METTL15: variants seen among roughly 807,000 people sequenced by gnomAD.
METTL15 encodes the protein methyltransferase 15, mitochondrial 12S rRNA N4-cytidine.
Under a neutral mutation model 38.3 loss-of-function variants are expected in METTL15, and 34 were observed. The observed-to-expected ratio is 0.89, with a 90% CI of 0.68 to 1.18. The LOEUF (loss-of-function observed/expected upper bound fraction) is 1.18, where lower values mean the gene tolerates loss of function less well. Ranked by LOEUF, METTL15 falls within the 50% of genes most tolerant of loss-of-function variation. The probability of loss-of-function intolerance (pLI) is 0.00; values close to 1 mark genes in which losing one functional copy is unlikely to be tolerated. For missense variants in METTL15, 438 were observed against 498.4 expected, an observed-to-expected ratio of 0.88 and a Z score of 1.15; for synonymous variants, 162 against 170.9, an observed-to-expected ratio of 0.95 and a Z score of 0.41.
At chr11:28,504,917 T>G (rs1851615278) in intron 6 of METTL15, among the ~76,000 whole-genome samples, 1 of 152,198 alleles carries the variant, frequency 6.6e-6, no homozygotes, top group South Asian at 2.1e-4. Flanking sequence ...GAGCCTTGCT[T>G]AGGAGGCAGT....
chr11:28,293,582 A>G (rs986513932), intron 5 of METTL15, among the ~76,000 whole-genome samples: 1 of 152,056 alleles, frequency 6.6e-6, no homozygotes. Flanking sequence ...GTTTTTTCCA[A>G]TTCTGTGAAG....
chr11:28,161,345 C>G (rs1850457999), intron 3 of METTL15, among the ~76,000 whole-genome samples: 1 of 151,868 alleles, frequency 6.6e-6, no homozygotes, highest in Non-Finnish European at 1.5e-5. Context: ...GGCTCCAACT[C>G]CTGGCCTCAA....
At chr11:28,381,727 CTT>C (rs1215371430) in intron 5 of METTL15, among the ~76,000 whole-genome samples, 2 of 152,034 alleles carry the variant, frequency 1.3e-5, no homozygotes, top group Non-Finnish European at 2.9e-5. Flanking sequence ...GTTTTAATCT[CTT>C]TGTTAAAATT....
intron 6 of METTL15, among the ~76,000 whole-genome samples, chr11:28,447,139 T>C (rs1851081954): frequency 6.6e-6 from 1 of 152,190 alleles, no homozygotes; most frequent in South Asian, 2.1e-4. Flanking sequence ...ATGTGTGTAT[T>C]ACTATATAGT....
intron 5 of METTL15, among the ~76,000 whole-genome samples, chr11:28,378,388 G>A (rs538815547): frequency 2.2e-4 from 33 of 152,358 alleles, no homozygotes; most frequent in African/African-American, 7.2e-4. Flanking sequence ...TCGGAAAAGC[G>A]CAGTATTCGG....
At chr11:28,457,017 G>GA (rs1359101112) in intron 6 of METTL15, among the ~76,000 whole-genome samples, 1 of 152,162 alleles carries the variant, frequency 6.6e-6, no homozygotes, top group Non-Finnish European at 1.5e-5. Flanking sequence ...TGAGCATAAT[G>GA]AAATGATGGT....
intron 3 of METTL15, among the ~76,000 whole-genome samples, chr11:28,151,021 A>G (rs898628624): frequency 1.1e-4 from 16 of 151,364 alleles, no homozygotes; most frequent in Admixed American, 5.3e-4. Context: ...AAAAAAAAAA[A>G]AAAAGAAAAG....
At chr11:28,122,175 C>T in intron 3 of METTL15, 2 of 1,238,468 alleles carry the variant, frequency 1.6e-6, no homozygotes, top group Non-Finnish European at 2.1e-6. Context: ...AATATGAATC[C>T]TACAGGTAAA....
At chr11:28,130,502 A>G (rs1852717574) in intron 3 of METTL15, among the ~76,000 whole-genome samples, 2 of 152,250 alleles carry the variant, frequency 1.3e-5, no homozygotes, top group Admixed American at 1.3e-4. Flanking sequence ...GAGAAGGGAA[A>G]ACACAAGCAG....
At chr11:28,449,447 A>G (rs11030340) in intron 6 of METTL15, among the ~76,000 whole-genome samples, 2,683 of 152,306 alleles carry the variant, frequency 0.018, 51 homozygotes, top group African/African-American at 0.051. Flanking sequence ...TTATTTACTG[A>G]TATTTGGGAA....
chr11:28,165,269 A>G lies in METTL15; in HGVS notation c.271-45793A>G, dbSNP rs931981229. 4.6e-5 allele frequency among the ~76,000 whole-genome samples: 7 copies of G among 152,216 alleles called. 1 individual carries two copies. Among genetic ancestry groups the G allele is most frequent in the Admixed American group, 4.6e-4 (7 of 15,282 alleles). ...TTTTGAGGTATCCATATGGTTTTTC[A>G]TAATGGTTGTATTAATTTATCTTCC... On this transcript the variant is annotated intron_variant, in intron 3 of 6. Transcript: ENST00000407364.
chr11:28,179,872 G>T (rs988307582), intron 3 of METTL15, among the ~76,000 whole-genome samples: 1 of 151,746 alleles, frequency 6.6e-6, no homozygotes, highest in Non-Finnish European at 1.5e-5. Flanking sequence ...TATCAGCAGC[G>T]TATGAGAGTT....
At chr11:28,452,252 A>G (rs1851129414) in intron 6 of METTL15, among the ~76,000 whole-genome samples, 2 of 152,264 alleles carry the variant, frequency 1.3e-5, no homozygotes, top group Middle Eastern at 3.4e-3. Context: ...TGAAAGAAAC[A>G]TTATATTCTG....
At chr11:28,434,295 C>T (rs1434534249) in intron 6 of METTL15, among the ~76,000 whole-genome samples, 1 of 152,168 alleles carries the variant, frequency 6.6e-6, no homozygotes, top group Non-Finnish European at 1.5e-5. Context: ...TAAGGCCTGC[C>T]CAGCCATGCT....
At chr11:28,148,283 A>T (rs752241024) in intron 3 of METTL15, among the ~76,000 whole-genome samples, 3 of 151,916 alleles carry the variant, frequency 2.0e-5, no homozygotes, top group Admixed American at 2.0e-4. Context: ...GCATTTTATG[A>T]TACCTAAAAG....
chr11:28,245,593 C>CAT (rs1201945301), intron 4 of METTL15, among the ~76,000 whole-genome samples: 1 of 152,086 alleles, frequency 6.6e-6, no homozygotes, highest in Non-Finnish European at 1.5e-5. Context: ...GTCTAACAGG[C>CAT]ATATATATAC....
intron 4 of METTL15, among the ~76,000 whole-genome samples, chr11:28,288,439 T>C (rs987656371): frequency 3.9e-5 from 6 of 152,006 alleles, no homozygotes; most frequent in Admixed American, 1.3e-4. Flanking sequence ...GTAGACTGGA[T>C]AAAGAAATGT....
chr11:28,381,344 A>G (rs1007306946), intron 5 of METTL15, among the ~76,000 whole-genome samples: 1 of 152,022 alleles, frequency 6.6e-6, no homozygotes, highest in Non-Finnish European at 1.5e-5. Flanking sequence ...GCCTTAGGAT[A>G]CTTTTATTTG....
At chr11:28,295,464 C>T (rs1047873551) in intron 5 of METTL15, among the ~76,000 whole-genome samples, 2 of 151,630 alleles carry the variant, frequency 1.3e-5, no homozygotes, top group African/African-American at 2.4e-5. Context: ...AACGGCAGTC[C>T]GACATAAAAA....
Sources: gnomAD v4.1 joint callset for allele counts (sites outside exome capture counted in the v4.1 genomes callset) on GRCh38, gnomAD v4.1.1 for gene constraint, MANE v1.5 for transcripts, NCBI Gene and HGNC (gene_info 2026-07-23, HGNC 2026-07-21) for gene names.